The following IL1RAPL1 variants were observed in gnomAD, a reference collection of about 807,000 sequenced individuals.
IL1RAPL1 encodes the protein interleukin-1 receptor accessory protein-like 1.
In IL1RAPL1, 3 loss-of-function variants were observed where a neutral mutation model predicts 48.4. The ratio of observed to expected loss-of-function variants is 0.06; its 90% confidence interval spans 0.03 to 0.16. IL1RAPL1 has a LOEUF of 0.16. Ranked by LOEUF, IL1RAPL1 falls within the 10% of genes least tolerant of loss-of-function variation. The pLI, the probability that IL1RAPL1 is intolerant of heterozygous loss-of-function variation, is 1.00. For synonymous variants in IL1RAPL1, 185 were observed against 187.7 expected (o/e 0.99, Z 0.12); for missense variants, 349 against 530.6 (o/e 0.66, Z 3.36).
At chrX:29,123,250 G>A (rs5985957) in intron 2 of IL1RAPL1, among the ~76,000 whole-genome samples, 24,239 of 108,680 alleles carry the variant, frequency 0.22, 2,468 homozygotes, top group African/African-American at 0.39. Context: ...GGCTGGTCTC[G>A]AACTCCTGAC....
chrX:28,764,818 A>AAC (rs759195422), intron 1 of IL1RAPL1, among the ~76,000 whole-genome samples: 30 of 107,242 alleles, frequency 2.8e-4, no homozygotes, highest in East Asian at 1.2e-3. Flanking sequence ...CATGCACGCA[A>AAC]ACACACACAC....
intron 2 of IL1RAPL1, among the ~76,000 whole-genome samples, chrX:28,970,791 A>T (rs1312015493): frequency 9.0e-6 from 1 of 111,562 alleles, no homozygotes; most frequent in African/African-American, 3.3e-5. Flanking sequence ...ACCTGGGAAT[A>T]CTGCGTGCTA....
chrX:29,823,294 C>A (rs1428990891), intron 6 of IL1RAPL1, among the ~76,000 whole-genome samples: 1 of 111,865 alleles, frequency 8.9e-6, no homozygotes. Flanking sequence ...GCCTGAGCAG[C>A]CAGATAGTGT....
At chrX:29,054,412 G>T (rs1460809270) in intron 2 of IL1RAPL1, among the ~76,000 whole-genome samples, 1 of 110,960 alleles carries the variant, frequency 9.0e-6, no homozygotes, top group Non-Finnish European at 1.9e-5. Flanking sequence ...TTACCCCTCA[G>T]TCTCCTTATT....
intron 5 of IL1RAPL1, among the ~76,000 whole-genome samples, chrX:29,582,755 G>T (rs1923019037): frequency 1.9e-5 from 1 of 52,954 alleles, no homozygotes; most frequent in African/African-American, 7.6e-5. Flanking sequence ...AGTATTCCAT[G>T]GTGTATATGT....
chrX:29,475,201 T>C (rs1282065029), intron 5 of IL1RAPL1, among the ~76,000 whole-genome samples: 1 of 112,165 alleles, frequency 8.9e-6, no homozygotes, highest in Non-Finnish European at 1.9e-5. Flanking sequence ...TATACTACAC[T>C]GCAGGTCTGG....
intron 5 of IL1RAPL1, among the ~76,000 whole-genome samples, chrX:29,517,528 T>C (rs1935459325): frequency 9.0e-6 from 1 of 111,635 alleles, no homozygotes; most frequent in Admixed American, 9.6e-5. Context: ...GTTTTCTCTT[T>C]GAAAGACCCT....
intron 2 of IL1RAPL1, among the ~76,000 whole-genome samples, chrX:29,040,501 G>A (rs1926823388): frequency 8.9e-6 from 1 of 111,990 alleles, no homozygotes; most frequent in African/African-American, 3.2e-5. Context: ...AGACCACATT[G>A]TGTAGCCAGG....
chrX:28,932,789 A>C (rs2147344182), intron 2 of IL1RAPL1, among the ~76,000 whole-genome samples: 1 of 110,589 alleles, frequency 9.0e-6, no homozygotes, highest in South Asian at 3.8e-4. Context: ...GGGATTTAGT[A>C]GAAAAAGAAA....
chrX:29,879,425 T>G (rs891374155), intron 6 of IL1RAPL1, among the ~76,000 whole-genome samples: 6 of 106,328 alleles, frequency 5.6e-5, no homozygotes, highest in African/African-American at 2.0e-4. Context: ...TTTGTGTACA[T>G]GTGTATCTGC....
intron 3 of IL1RAPL1, among the ~76,000 whole-genome samples, chrX:29,373,405 T>C (rs1933572539): frequency 8.9e-6 from 1 of 111,914 alleles, no homozygotes; most frequent in Admixed American, 9.5e-5. Flanking sequence ...GGATGCCTTT[T>C]GTGTCTTTCT....
At chrX:29,878,377 A>C (rs1369974945) in intron 6 of IL1RAPL1, among the ~76,000 whole-genome samples, 1 of 111,722 alleles carries the variant, frequency 9.0e-6, no homozygotes. Flanking sequence ...GTTACCTTCA[A>C]TTCTCCCCCT....
At chrX:29,834,850 A>T (rs935243472) in intron 6 of IL1RAPL1, among the ~76,000 whole-genome samples, 19 of 111,755 alleles carry the variant, frequency 1.7e-4, no homozygotes, top group African/African-American at 6.2e-4. Flanking sequence ...GTTATCTTGT[A>T]TCAACAATGT....
chrX:28,672,584 A>G (rs1419842758), intron 1 of IL1RAPL1, among the ~76,000 whole-genome samples: 1 of 110,488 alleles, frequency 9.1e-6, no homozygotes, highest in Non-Finnish European at 1.9e-5. Flanking sequence ...CACCCTATCT[A>G]ACTTCTATTA....
At chrX:29,081,735 GTATTGAAAATAT>G (rs1364001019) in intron 2 of IL1RAPL1, among the ~76,000 whole-genome samples, 1 of 110,953 alleles carries the variant, frequency 9.0e-6, no homozygotes, top group East Asian at 2.8e-4. Flanking sequence ...AATGGCATAC[GTATTGAAAATAT>G]TATTGCTCTG....
intron 6 of IL1RAPL1, among the ~76,000 whole-genome samples, chrX:29,696,160 C>T (rs1191379806): frequency 1.8e-5 from 2 of 111,293 alleles, no homozygotes; most frequent in Non-Finnish European, 3.8e-5. Flanking sequence ...TCCCTGGCCT[C>T]TACCCACTAG....
At chrX:29,950,145 A>G (rs1933286725) in intron 9 of IL1RAPL1, among the ~76,000 whole-genome samples, 1 of 112,092 alleles carries the variant, frequency 8.9e-6, no homozygotes, top group African/African-American at 3.2e-5. Flanking sequence ...TAACTGGGAG[A>G]TACTAACTTA....
chrX:29,334,202 A>C (rs866992320), intron 3 of IL1RAPL1, among the ~76,000 whole-genome samples: 4 of 35,393 alleles, frequency 1.1e-4, no homozygotes, highest in East Asian at 8.6e-4. Context: ...CGGGGGGCTG[A>C]CCCCCCCACC....
In IL1RAPL1 at chrX:28,665,466, G is replaced by A. The variant is rs192380656; in HGVS notation, c.-25+77419G>A. Among the ~76,000 whole-genome samples, 285 of 111,641 alleles carry A rather than the reference G, an allele frequency of 2.6e-3. 1 individual carries two copies. The East Asian group carries it at 0.035, about 14-fold the overall frequency. ...GTATTTTTATTTACTAAATATGGCA[G>A]TTCTATTTATAAGTGGTACTTTTTT... On this transcript the variant is annotated intron_variant, in intron 1 of 10. Transcript: ENST00000378993.
Sources: gnomAD v4.1 joint callset for allele counts (sites outside exome capture counted in the v4.1 genomes callset) on GRCh38, gnomAD v4.1.1 for gene constraint, MANE v1.5 for transcripts, NCBI Gene and HGNC (gene_info 2026-07-23, HGNC 2026-07-21) for gene names.